The following DOCK1 variants were observed in gnomAD, a reference collection of about 807,000 sequenced individuals.
DOCK1 encodes dedicator of cytokinesis protein 1.
In DOCK1, 138 loss-of-function variants were observed where a neutral mutation model predicts 262.7. That is an observed-to-expected ratio of 0.53 (90% CI 0.46 to 0.61). The LOEUF (loss-of-function observed/expected upper bound fraction) is 0.61, where lower values mean the gene tolerates loss of function less well. Ranked by LOEUF, DOCK1 falls within the 20% of genes least tolerant of loss-of-function variation. The probability of loss-of-function intolerance (pLI) is 0.00; values close to 1 mark genes in which losing one functional copy is unlikely to be tolerated. For synonymous variants in DOCK1, 866 were observed against 867.4 expected, an observed-to-expected ratio of 1.00 and a Z score of 0.03; for missense variants, 1,908 against 2,370.7, an observed-to-expected ratio of 0.80 and a Z score of 4.05.
chr10:127,256,762 C>A (rs116536137), intron 28 of DOCK1, among the ~76,000 whole-genome samples: 1 of 152,166 alleles, frequency 6.6e-6, no homozygotes, highest in African/African-American at 2.4e-5. Context: ...AGAAGCATAA[C>A]TCGGTAGCTT....
chr10:127,250,820 A>AG lies in DOCK1; in HGVS notation c.2949+2711_2949+2712insG, dbSNP rs1564934986. Among the ~76,000 whole-genome samples the AG allele has an allele frequency of 2.3e-5, 3 of 133,100 alleles. 1 individual carries two copies. Among genetic ancestry groups the AG allele is most frequent in the Non-Finnish European group, 4.8e-5 (3 of 62,896 alleles). 87.3% of individuals were successfully genotyped at this position (133,100 alleles called of 152,430 possible). On this transcript the variant is annotated intron_variant, in intron 28 of 51. Transcript: ENST00000623213. The stretch of plus-strand genomic sequence containing the variant: ...AAAAAAAAAAAAAAAAAAAAAAAAA[A>AG]AATGACGTTTGTGGTTTTTTATACC...
chr10:127,168,562 T>A (rs2054285232), intron 27 of DOCK1, among the ~76,000 whole-genome samples: 1 of 152,210 alleles, frequency 6.6e-6, no homozygotes, highest in African/African-American at 2.4e-5. Flanking sequence ...TGAGAGACTG[T>A]CTAATGTCAC....
chr10:127,187,728 G>T (rs1428760013), intron 27 of DOCK1, among the ~76,000 whole-genome samples: 3 of 119,316 alleles, frequency 2.5e-5, no homozygotes, highest in Admixed American at 1.8e-4. Context: ...AGAAGAAAGA[G>T]AGAAAGAAAG....
intron 27 of DOCK1, among the ~76,000 whole-genome samples, chr10:127,217,033 A>G (rs1245856508): frequency 6.6e-6 from 1 of 152,144 alleles, no homozygotes; most frequent in South Asian, 2.1e-4. Context: ...ACATTATAAC[A>G]GAGAGGAAGA....
intron 23 of DOCK1, among the ~76,000 whole-genome samples, chr10:127,075,648 TGGC>T (rs1433998083): frequency 1.3e-5 from 2 of 152,096 alleles, no homozygotes; most frequent in African/African-American, 2.4e-5. Context: ...CTTCTTCACA[TGGC>T]GGCAGGAGAG....
intron 29 of DOCK1, among the ~76,000 whole-genome samples, chr10:127,290,455 T>A (rs960527543): frequency 6.6e-6 from 1 of 152,224 alleles, no homozygotes; most frequent in Non-Finnish European, 1.5e-5. Context: ...TCCACAGTTA[T>A]GAGAAATAAT....
intron 27 of DOCK1, among the ~76,000 whole-genome samples, chr10:127,200,917 G>A (rs1042303938): frequency 3.3e-5 from 5 of 152,150 alleles, no homozygotes; most frequent in African/African-American, 9.7e-5. Context: ...AGTCGCTGTG[G>A]TTCGGATGCC....
chr10:127,439,576 T>A (rs1253956853), intron 49 of DOCK1, among the ~76,000 whole-genome samples: 1 of 152,212 alleles, frequency 6.6e-6, no homozygotes. Context: ...GAAACAGTCC[T>A]TGGTGTCCGC....
intron 27 of DOCK1, among the ~76,000 whole-genome samples, chr10:127,231,498 CAGCCTCCACTTCCT>C (rs149255374): frequency 0.11 from 16,435 of 151,992 alleles, 1,147 homozygotes; most frequent in East Asian, 0.18. Context: ...TGGATCACTG[CAGCCTCCACTTCCT>C]AGGCTCAAGC....
intron 27 of DOCK1, among the ~76,000 whole-genome samples, chr10:127,139,912 CAA>C (rs2051061621): frequency 2.0e-5 from 3 of 152,222 alleles, no homozygotes; most frequent in East Asian, 3.9e-4. Flanking sequence ...ATAATGGAAA[CAA>C]GAGCTAAGTA....
In DOCK1 at chr10:126,933,735, A is replaced by C. The variant is rs918894642; in HGVS notation, c.46+28172A>C. On this transcript the variant is annotated intron_variant, in intron 1 of 51. Coordinates refer to ENST00000623213, the MANE Select transcript of DOCK1 (RefSeq NM_001290223.2). ...TGAGGCATTGATGTTTTGTGGGAGG[A>C]GGGAGACATTTGCTGAGGGGCCATT... 5.9e-3 allele frequency among the ~76,000 whole-genome samples: 900 copies of C among 152,144 alleles called. 8 individuals carry two copies. The highest frequency in any genetic ancestry group is 0.02 in the African/African-American group (830 of 41,512).
intron 10 of DOCK1, chr10:127,007,582 A>C (rs1324388935): frequency 6.6e-6 from 1 of 152,192 alleles, no homozygotes; most frequent in Non-Finnish European, 1.5e-5. Context: ...TTCTGTCATG[A>C]CCAAGGGCAA....
rs1312322556 is a variant in DOCK1, at chr10:127,220,472, AAAAAACT to A, written c.2848-27535_2848-27529del. Among the ~76,000 whole-genome samples, 10 of 152,294 alleles carry A rather than the reference AAAAAACT, an allele frequency of 6.6e-5. No homozygotes were observed. The East Asian group carries it at 1.2e-3, about 18-fold the overall frequency. On this transcript the variant is annotated intron_variant, in intron 27 of 51. Coordinates refer to ENST00000623213, the MANE Select transcript of DOCK1 (RefSeq NM_001290223.2). ...AGTCAAATTTTAATTTCAGGTAAAA[AAAAAACT>A]TAAGTCTATCCATGCAATATTTAGG...
At chr10:127,178,920 G>T (rs1199891857) in intron 27 of DOCK1, among the ~76,000 whole-genome samples, 1 of 152,090 alleles carries the variant, frequency 6.6e-6, no homozygotes, top group Non-Finnish European at 1.5e-5. Flanking sequence ...AGCAGTGGGG[G>T]TGGAATAAGA....
intron 10 of DOCK1, among the ~76,000 whole-genome samples, chr10:127,003,756 C>T (rs1323085290): frequency 6.6e-6 from 1 of 152,072 alleles, no homozygotes; most frequent in African/African-American, 2.4e-5. Context: ...GTGTTCGAGA[C>T]CAGCCTGGCC....
intron 24 of DOCK1, among the ~76,000 whole-genome samples, chr10:127,106,641 G>T (rs887816663): frequency 6.6e-6 from 1 of 152,080 alleles, no homozygotes; most frequent in African/African-American, 2.4e-5. Context: ...TAAAAATCCT[G>T]ACATAGGAGC....
At chr10:127,314,402 G>A (rs1201229604) in intron 29 of DOCK1, among the ~76,000 whole-genome samples, 5 of 152,210 alleles carry the variant, frequency 3.3e-5, no homozygotes, top group African/African-American at 1.2e-4. Context: ...CTGTGGCTGC[G>A]CAGTGCCTGC....
rs928821597 is a variant in DOCK1, at chr10:126,995,487, A to G, written c.474-1261A>G. Reference sequence around the variant, plus strand: ...AACCCCGTCTCCATCAAAAAATACGAAAACCAGTCAGGTGTGGCGGCGCGC... The same window carrying G: ...AACCCCGTCTCCATCAAAAAATACGGAAACCAGTCAGGTGTGGCGGCGCGC... On this transcript the variant is annotated intron_variant, in intron 6 of 51. Coordinates refer to ENST00000623213, the MANE Select transcript of DOCK1 (RefSeq NM_001290223.2). This position sits in a 1 kb window ranked among gnomAD's most constrained non-coding sequence, Gnocchi z 5.8. Among the ~76,000 whole-genome samples the G allele has an allele frequency of 2.0e-5, 3 of 152,222 alleles. No individual in the cohort carries two copies. Among genetic ancestry groups the G allele is most frequent in the African/African-American group, 7.2e-5 (3 of 41,478 alleles).
At chr10:127,174,417 A>G (rs574953712) in intron 27 of DOCK1, among the ~76,000 whole-genome samples, 1 of 152,330 alleles carries the variant, frequency 6.6e-6, no homozygotes, top group Admixed American at 6.5e-5. Context: ...AGGCTTCCGC[A>G]CTGGGGAGCT....
Sources: allele counts gnomAD v4.1 joint callset (sites outside exome capture counted in the v4.1 genomes callset), GRCh38; gene constraint gnomAD v4.1.1; non-coding constraint Gnocchi (gnomAD v3.1); transcripts MANE v1.5; gene names NCBI Gene and HGNC (gene_info 2026-07-23, HGNC 2026-07-21).